HIPK3: variants seen among roughly 807,000 people sequenced by gnomAD.
HIPK3 encodes the protein homeodomain interacting protein kinase 3.
A neutral mutation model predicts 124.2 loss-of-function variants in HIPK3; 47 were observed. The observed-to-expected ratio is 0.38, with a 90% confidence interval of 0.30 to 0.48. The LOEUF is 0.48. Ranked by LOEUF, HIPK3 falls within the 20% of genes least tolerant of loss-of-function variation. HIPK3 has a pLI of 0.98. For synonymous variants in HIPK3, 482 were observed against 515.2 expected, an observed-to-expected ratio of 0.94 and a Z score of 0.87; for missense variants, 1,286 against 1,454.3, an observed-to-expected ratio of 0.88 and a Z score of 1.88.
At chr11:33,300,357 A>C (rs1475355294) in intron 2 of HIPK3, among the ~76,000 whole-genome samples, 2 of 152,124 alleles carry the variant, frequency 1.3e-5, no homozygotes, top group Non-Finnish European at 2.9e-5. Context: ...GCAAAAAAAA[A>C]AAAAGAACTT....
intron 16 of HIPK3, among the ~76,000 whole-genome samples, chr11:33,352,787 A>G (rs1853703638): frequency 6.6e-6 from 1 of 152,210 alleles, no homozygotes; most frequent in African/African-American, 2.4e-5. Flanking sequence ...TTAGCTTTAC[A>G]TATAAGAAGT....
chr11:33,265,590 A>G (rs550320083), intron 1 of HIPK3, among the ~76,000 whole-genome samples: 3 of 150,622 alleles, frequency 2.0e-5, no homozygotes, highest in Admixed American at 2.0e-4. Flanking sequence ...ACGGGGCAAC[A>G]TGGTGAAACC....
At chr11:33,347,525 A>G (rs1351592984) in intron 9 of HIPK3, 104 bp from the exon 10 acceptor site, 20 of 1,571,064 alleles carry the variant, frequency 1.3e-5, no homozygotes, top group Non-Finnish European at 1.5e-5. Flanking sequence ...TTTAATGTTT[A>G]TAATTGTTAG....
chr11:33,337,599 G>T (rs1351574613), intron 4 of HIPK3, among the ~76,000 whole-genome samples: 2 of 148,420 alleles, frequency 1.3e-5, no homozygotes, highest in Non-Finnish European at 3.0e-5. Context: ...CAAGAGAACT[G>T]CCCACCTCCG....
chr11:33,351,844 G>A lies in HIPK3; in HGVS notation c.3043+1G>A. 1 of 1,604,308 alleles carries A rather than the reference G, an allele frequency of 6.2e-7. No homozygotes were observed. Among genetic ancestry groups the A allele is most frequent in the Non-Finnish European group, 8.5e-7 (1 of 1,171,696 alleles). On this transcript the variant is annotated splice_donor_variant, in intron 15 of 16. Transcript: ENST00000303296. LOFTEE classifies it high-confidence loss of function. ...GCCGATGAGCATATGGCAAACACAG[G>A]TAAGTTGAGTCCTCCCATTTCTCTG...
chr11:33,302,646 G>C (rs1852039493), intron 2 of HIPK3, among the ~76,000 whole-genome samples: 1 of 151,980 alleles, frequency 6.6e-6, no homozygotes, highest in Non-Finnish European at 1.5e-5. Flanking sequence ...CTTATTTGTT[G>C]TTATATAATG....
chr11:33,312,341 T>G (rs980850648), intron 2 of HIPK3, among the ~76,000 whole-genome samples: 4 of 152,208 alleles, frequency 2.6e-5, no homozygotes, highest in African/African-American at 9.7e-5. Flanking sequence ...GGGTGTGTTA[T>G]GTGGAAGAGT....
intron 2 of HIPK3, among the ~76,000 whole-genome samples, chr11:33,303,767 C>T (rs1234979388): frequency 1.3e-5 from 2 of 152,138 alleles, no homozygotes; most frequent in African/African-American, 2.4e-5. Context: ...ATAATTTAGG[C>T]ATCAGCTGGT....
intron 2 of HIPK3, among the ~76,000 whole-genome samples, chr11:33,324,345 T>G (rs1394090815): frequency 1.3e-5 from 2 of 152,208 alleles, no homozygotes; most frequent in African/African-American, 4.8e-5. Flanking sequence ...CCAACTTTCC[T>G]CATGCTATGG....
At chr11:33,259,183 A>T (rs1233939129) in intron 1 of HIPK3, among the ~76,000 whole-genome samples, 2 of 152,172 alleles carry the variant, frequency 1.3e-5, no homozygotes, top group East Asian at 3.8e-4. Flanking sequence ...TCAAAGTTTT[A>T]GTTGCTGGGC....
chr11:33,264,853 T>G (rs1296603325), intron 1 of HIPK3, among the ~76,000 whole-genome samples: 1 of 152,204 alleles, frequency 6.6e-6, no homozygotes, highest in Non-Finnish European at 1.5e-5. Flanking sequence ...TAAATTGGCA[T>G]ATAAAGGCCT....
In HIPK3 at chr11:33,301,821, G is replaced by GACACACACACACACACACACAT. The variant is rs1554964625; in HGVS notation, c.1097+14331_1097+14332insTACACACACACACACACACACA. Among the ~76,000 whole-genome samples the GACACACACACACACACACACAT allele has an allele frequency of 3.1e-5, 4 of 127,544 alleles. 1 individual carries two copies. Among genetic ancestry groups the GACACACACACACACACACACAT allele is most frequent in the South Asian group, 2.8e-4 (1 of 3,590 alleles). The allele number at this position is 127,544 out of a possible 152,430, so 83.7% of individuals were successfully genotyped here. Reference sequence around the variant, plus strand: ...TGGGCAACAGAGTGAAACCCTGTCTGACACACACACACACACACACACACA... The same window carrying GACACACACACACACACACACAT: ...TGGGCAACAGAGTGAAACCCTGTCTGACACACACACACACACACACATACACACACACACACACACACACACA... On this transcript the variant is annotated intron_variant, in intron 2 of 16. Coordinates refer to ENST00000303296, the MANE Select transcript of HIPK3 (RefSeq NM_005734.5).
intron 2 of HIPK3, among the ~76,000 whole-genome samples, chr11:33,297,908 G>C (rs914564182): frequency 6.7e-6 from 1 of 148,452 alleles, no homozygotes; most frequent in African/African-American, 2.5e-5. Flanking sequence ...TCCTACCTCA[G>C]CCTCCCGAGT....
intron 5 of HIPK3, 120 bp downstream of exon 5, chr11:33,338,963 T>G (rs1853246740): frequency 3.4e-6 from 2 of 594,490 alleles, no homozygotes; most frequent in Non-Finnish European, 2.9e-6. Context: ...TGTTTTTAAG[T>G]TTTTCAAATG....
intron 1 of HIPK3, among the ~76,000 whole-genome samples, chr11:33,281,377 C>T (rs907055299): frequency 1.3e-5 from 2 of 152,140 alleles, no homozygotes; most frequent in Non-Finnish European, 2.9e-5. Flanking sequence ...CTGTAAATAA[C>T]AGTTTATGAC....
intron 1 of HIPK3, among the ~76,000 whole-genome samples, chr11:33,284,470 G>C (rs1851495113): frequency 6.6e-6 from 1 of 152,168 alleles, no homozygotes; most frequent in Admixed American, 6.5e-5. Flanking sequence ...TACTTTGATT[G>C]AAATCTGAAA....
chr11:33,350,870 A>C (rs905620639), intron 14 of HIPK3, among the ~76,000 whole-genome samples: 4 of 152,226 alleles, frequency 2.6e-5, no homozygotes, highest in African/African-American at 9.6e-5. Flanking sequence ...AGTTGCTTAT[A>C]ATATGGTTTG....
intron 2 of HIPK3, among the ~76,000 whole-genome samples, chr11:33,301,103 C>A (rs966949498): frequency 4.6e-5 from 7 of 152,068 alleles, no homozygotes; most frequent in African/African-American, 1.7e-4. Context: ...TTTGTTCTTT[C>A]TTATGTGTAA....
chr11:33,286,985 T>G lies in HIPK3; in HGVS notation c.571T>G (p.Cys191Gly). 1.2e-6 allele frequency: 2 copies of G among 1,614,176 alleles called. No individual in the cohort carries two copies. The highest frequency in any genetic ancestry group is 2.2e-5 in the South Asian group (2 of 91,082). The change falls in exon 2 of 17, where the codon TGC becomes GGC. Residue 191 changes from cysteine (C) to glycine (G), a missense_variant. This residue lies in a region of HIPK3 where 225 missense variants were observed against 240.3 expected (regional missense o/e 0.94). Transcript: ENST00000303296. ...TCAGTTAGTACAGCATGAAGTCTTA[T>G]GCTCCATGAAAAATACTTACGAAGT... ...DYQLVQHEVL[C>G]SMKNTYEVLD...
Sources: allele counts gnomAD v4.1 joint callset (sites outside exome capture counted in the v4.1 genomes callset), GRCh38; gene constraint gnomAD v4.1.1; regional missense constraint gnomAD v4.1.1; transcripts MANE v1.5; gene names NCBI Gene and HGNC (gene_info 2026-07-23, HGNC 2026-07-21).